The following ALDH1L1 variants were observed in gnomAD, a reference collection of about 807,000 sequenced individuals.
ALDH1L1 encodes the protein aldehyde dehydrogenase 1 family member L1, also known as cytosolic 10-formyltetrahydrofolate dehydrogenase.
ALDH1L1 carries 68 observed loss-of-function variants against 101.1 expected under a neutral mutation model. The observed-to-expected ratio is 0.67, with a 90% CI of 0.55 to 0.82. The LOEUF is 0.82. Ranked by LOEUF, ALDH1L1 falls within the 40% of genes least tolerant of loss-of-function variation. The probability of loss-of-function intolerance (pLI) is 0.00; values close to 1 mark genes in which losing one functional copy is unlikely to be tolerated. For missense variants in ALDH1L1, 1,087 were observed against 1,172.7 expected, an observed-to-expected ratio of 0.93 and a Z score of 1.07; for synonymous variants, 486 against 470.8, an observed-to-expected ratio of 1.03 and a Z score of -0.42.
At chr3:126,147,903 C>G (rs2080728547) in intron 8 of ALDH1L1, among the ~76,000 whole-genome samples, 1 of 152,176 alleles carries the variant, frequency 6.6e-6, no homozygotes, top group African/African-American at 2.4e-5. Flanking sequence ...GCCTGCCCCT[C>G]GAGGTCTCTG....
At chr3:126,141,364 G>T (rs1341432270) in intron 9 of ALDH1L1, among the ~76,000 whole-genome samples, 2 of 152,020 alleles carry the variant, frequency 1.3e-5, no homozygotes, top group African/African-American at 4.8e-5. Context: ...AAACCAATCA[G>T]ATATGTACAA....
Position 126,136,792 on chromosome 3 carries a change from G to A in ALDH1L1, c.1316C>T (p.Ser439Phe). 1.3e-6 allele frequency: 2 copies of A among 1,587,168 alleles called. No homozygotes were observed. The highest frequency in any genetic ancestry group is 2.3e-5 in the East Asian group (1 of 43,980). Residue 439 changes from serine to phenylalanine, a missense_variant, in exon 11 of 23, where the codon TCT (serine) becomes TTT (phenylalanine). Transcript: ENST00000393434. ...TCCATCGGTGGGATTGATGGTCTCA[G>A]AGGTCTTGGCGCCCTCGGCATCCAC... ...EFVDAEGAKT[S>F]ETINPTDGSV...
chr3:126,155,335 A>C (rs1341058022), intron 5 of ALDH1L1, 67 bp downstream of exon 5: 4 of 1,434,456 alleles, frequency 2.8e-6, no homozygotes, highest in Middle Eastern at 1.8e-4. Flanking sequence ...CAGCCTCCTC[A>C]GGCTGCCCTC....
chr3:126,136,360 G>A (rs538499033), intron 11 of ALDH1L1, among the ~76,000 whole-genome samples: 1 of 152,296 alleles, frequency 6.6e-6, no homozygotes, highest in Admixed American at 6.5e-5. Flanking sequence ...TCACAGTCAA[G>A]AAGGAGTGGC....
At chr3:126,124,818 T>C (rs1367758061) in intron 15 of ALDH1L1, among the ~76,000 whole-genome samples, 1 of 152,264 alleles carries the variant, frequency 6.6e-6, no homozygotes, top group Admixed American at 6.5e-5. Context: ...TGTAAATTAC[T>C]ACCTAATTTG....
At chr3:126,188,268 A>C (rs2081532618) in intron 1 of ALDH1L1, among the ~76,000 whole-genome samples, 1 of 152,238 alleles carries the variant, frequency 6.6e-6, no homozygotes, top group South Asian at 2.1e-4. Flanking sequence ...CTACAACCAA[A>C]TACAAATCAA....
At chr3:126,118,587 C>T (rs2080020650) in intron 16 of ALDH1L1, among the ~76,000 whole-genome samples, 1 of 152,052 alleles carries the variant, frequency 6.6e-6, no homozygotes, top group Non-Finnish European at 1.5e-5. Context: ...TTCTGAAGCC[C>T]CAGTCTGCGG....
intron 1 of ALDH1L1, among the ~76,000 whole-genome samples, chr3:126,175,291 A>C (rs534137829): frequency 6.6e-6 from 1 of 152,232 alleles, no homozygotes; most frequent in African/African-American, 2.4e-5. Context: ...ATATGACTAA[A>C]CATTTAAGAA....
At chr3:126,134,055 T>C (rs1480656822) in intron 12 of ALDH1L1, among the ~76,000 whole-genome samples, 2 of 152,160 alleles carry the variant, frequency 1.3e-5, no homozygotes, top group Non-Finnish European at 2.9e-5. Flanking sequence ...ATTCCTGCAG[T>C]GAATTTCGTG....
chr3:126,171,198 T>C (rs572869177), intron 1 of ALDH1L1, among the ~76,000 whole-genome samples: 23 of 152,186 alleles, frequency 1.5e-4, no homozygotes, highest in Non-Finnish European at 2.9e-4. Context: ...CTCAGGAGGC[T>C]GAGGCAGGAA....
In ALDH1L1 at chr3:126,109,930, ACACTCTGACT is replaced by A; in HGVS notation, c.2347+4_2347+13del. ...CTCAATTGACCCAAGCGGACCTGAC[ACACTCTGACT>A]CACCTGGCCGAGGGACCTGATTCCC... is the stretch of plus-strand genomic sequence containing the variant. On this transcript the variant is annotated splice_donor_5th_base_variant and intron_variant, in intron 20 of 22. Transcript: ENST00000393434. 1.9e-6 allele frequency: 3 copies of A among 1,613,170 alleles called. No homozygotes were observed. The highest frequency in any genetic ancestry group is 2.5e-6 in the Non-Finnish European group (3 of 1,179,812).
chr3:126,124,634 C>G (rs547515565), intron 15 of ALDH1L1, among the ~76,000 whole-genome samples, 183 bp from the exon 16 acceptor site: 1 of 152,238 alleles, frequency 6.6e-6, no homozygotes, highest in South Asian at 2.1e-4. Flanking sequence ...AGCCGGTGCG[C>G]CCACAGCACC....
intron 1 of ALDH1L1, among the ~76,000 whole-genome samples, chr3:126,186,673 A>G (rs1259852189): frequency 1.3e-5 from 2 of 151,994 alleles, no homozygotes; most frequent in Non-Finnish European, 2.9e-5. Flanking sequence ...GGACCCTCCA[A>G]TGGCTAAGTC....
chr3:126,175,043 T>A (rs2081346201), intron 1 of ALDH1L1, among the ~76,000 whole-genome samples: 5 of 151,846 alleles, frequency 3.3e-5, no homozygotes, highest in Admixed American at 3.3e-4. Context: ...ATTACTAATA[T>A]CAAAAATGAA....
intron 14 of ALDH1L1, chr3:126,128,558 C>T (rs2080233789): frequency 6.6e-6 from 1 of 152,234 alleles, no homozygotes; most frequent in Non-Finnish European, 1.5e-5. Flanking sequence ...GGGTGAAGCC[C>T]AGAGGCCCTG....
chr3:126,103,907 G>C, intron 22 of ALDH1L1, 61 bp from the exon 23 acceptor site: 1 of 1,576,638 alleles, frequency 6.3e-7, no homozygotes, highest in South Asian at 1.1e-5. Flanking sequence ...GCTCGGGGCT[G>C]CAAGTGTCTT....
At chr3:126,105,438 G>C (rs546589568) in intron 22 of ALDH1L1, 1 of 444,486 alleles carries the variant, frequency 2.2e-6, no homozygotes, top group East Asian at 4.7e-5. Context: ...TGCTATGCAG[G>C]TCTGGGTAGC....
intron 2 of ALDH1L1, among the ~76,000 whole-genome samples, chr3:126,160,037 G>A (rs1430534670): frequency 1.3e-5 from 2 of 152,180 alleles, no homozygotes; most frequent in African/African-American, 2.4e-5. Flanking sequence ...TTCCTAGAGG[G>A]TCTGTTCATC....
chr3:126,192,701 T>G (rs2081559681), intron 1 of ALDH1L1, among the ~76,000 whole-genome samples: 1 of 152,224 alleles, frequency 6.6e-6, no homozygotes, highest in Admixed American at 6.5e-5. Flanking sequence ...GTTTCCGACA[T>G]GGGTACTATT....
Sources: allele counts gnomAD v4.1 joint callset (sites outside exome capture counted in the v4.1 genomes callset), GRCh38; gene constraint gnomAD v4.1.1; transcripts MANE v1.5; gene names NCBI Gene and HGNC (gene_info 2026-07-23, HGNC 2026-07-21).